The following CD1B variants were observed in gnomAD, a reference collection of about 807,000 sequenced individuals.
CD1B encodes T-cell surface glycoprotein CD1b.
Under a neutral mutation model 39.8 loss-of-function variants are expected in CD1B, and 43 were observed. The ratio of observed to expected loss-of-function variants is 1.08; its 90% CI spans 0.85 to 1.39. The LOEUF (loss-of-function observed/expected upper bound fraction) is 1.39. CD1B is among the 40% of genes most tolerant of loss of function. The probability of loss-of-function intolerance (pLI) is 0.00; values close to 1 mark genes in which losing one functional copy is unlikely to be tolerated. For missense variants in CD1B, 495 were observed against 403.8 expected, an observed-to-expected ratio of 1.23 and a Z score of -1.94; for synonymous variants, 192 against 152.5, an observed-to-expected ratio of 1.26 and a Z score of -1.91.
chr1:158,322,024 G>C, the CD1B span, among the ~76,000 whole-genome samples: 38 of 152,172 alleles, frequency 2.5e-4, no homozygotes, highest in Non-Finnish European at 4.7e-4. Flanking sequence ...AGAAAAGAAA[G>C]GAAACAAAAA....
the CD1B span, among the ~76,000 whole-genome samples, chr1:158,319,998 T>C: frequency 1.3e-5 from 2 of 152,218 alleles, no homozygotes; most frequent in African/African-American, 4.8e-5. Flanking sequence ...AGGGACCCGC[T>C]TGAGGAGGCA....
At chr1:158,317,359 A>G in the CD1B span, among the ~76,000 whole-genome samples, 7 of 152,192 alleles carry the variant, frequency 4.6e-5, no homozygotes, top group Non-Finnish European at 8.8e-5. Flanking sequence ...TGGTCTATTC[A>G]GAGATTCAAC....
At chr1:158,297,779 A>G in the CD1B span, among the ~76,000 whole-genome samples, 1 of 152,004 alleles carries the variant, frequency 6.6e-6, no homozygotes, top group Admixed American at 6.6e-5. Flanking sequence ...CAAAAAAACC[A>G]AGAAAATTAG....
the CD1B span, chr1:158,291,287 C>G: frequency 6.2e-7 from 1 of 1,614,060 alleles, no homozygotes; most frequent in Non-Finnish European, 8.5e-7. Flanking sequence ...CATAACTGGT[C>G]CAAGGGCAAC....
At chr1:158,293,145 T>C in the CD1B span, 1 of 1,246,188 alleles carries the variant, frequency 8.0e-7, no homozygotes, top group Non-Finnish European at 1.2e-6. Context: ...AGTAAGGAAA[T>C]CAATAGATGG....
chr1:158,319,964 T>G, the CD1B span, among the ~76,000 whole-genome samples: 12 of 152,192 alleles, frequency 7.9e-5, no homozygotes, highest in Non-Finnish European at 1.5e-4. Flanking sequence ...GCCTCCCAGT[T>G]AGGCTGCTCG....
chr1:158,324,478 A>C (rs1652281088), downstream of CD1B, among the ~76,000 whole-genome samples: 1 of 152,210 alleles, frequency 6.6e-6, no homozygotes, highest in African/African-American at 2.4e-5. Flanking sequence ...ACTATAACAT[A>C]TATAGTGGGA....
chr1:158,307,342 G>C, the CD1B span, among the ~76,000 whole-genome samples: 1,755 of 152,082 alleles, frequency 0.012, 32 homozygotes, highest in African/African-American at 0.04. Flanking sequence ...AGAAGAAATG[G>C]ATAAATTCCT....
intron 4 of CD1B, 141 bp downstream of exon 4, chr1:158,329,229 C>A: frequency 8.8e-7 from 1 of 1,140,906 alleles, no homozygotes. Context: ...ATTTTTACTC[C>A]TGTTGGGATT....
chr1:158,302,991 A>G, the CD1B span, among the ~76,000 whole-genome samples: 358 of 152,198 alleles, frequency 2.4e-3, 3 homozygotes, highest in African/African-American at 7.9e-3. Context: ...AAAAGAAAAC[A>G]TTAGCTAATT....
chr1:158,290,840 A>G, the CD1B span, among the ~76,000 whole-genome samples: 3 of 152,178 alleles, frequency 2.0e-5, no homozygotes, highest in African/African-American at 7.2e-5. Context: ...TAGTATGAAC[A>G]TCTCTGTCAG....
the CD1B span, among the ~76,000 whole-genome samples, chr1:158,308,444 T>G: frequency 2.0e-5 from 3 of 152,126 alleles, no homozygotes; most frequent in Non-Finnish European, 4.4e-5. Context: ...CTCCATCAAG[T>G]TACCAATGAC....
At position 158,331,036 on chromosome 1, in the gene CD1B, C is replaced by T. The variant is rs1652582669; in HGVS notation, c.88G>A (p.Val30Ile). 6.2e-7 allele frequency: 1 copy of T among 1,612,786 alleles called. No homozygotes were observed. Among genetic ancestry groups the T allele is most frequent in the Non-Finnish European group, 8.5e-7 (1 of 1,179,576 alleles). The change falls in exon 2 of 6, where the codon GTT becomes ATT. Residue 30 changes from valine to isoleucine, a missense_variant. Physicochemically the swap from Val to Ile is conservative, Grantham distance 29. Coordinates refer to ENST00000368168, the MANE Select transcript of CD1B (RefSeq NM_001764.3). ...TTGGTAAAGGACGAGGTCTGGATAACATGAAAGGAGGTCGGCCCCTGGAAG... is the reference window on the plus strand; with the variant it reads ...TTGGTAAAGGACGAGGTCTGGATAATATGAAAGGAGGTCGGCCCCTGGAAG... ...HAFQGPTSFH[V>I]IQTSSFTNST...
chr1:158,303,067 C>A, the CD1B span, among the ~76,000 whole-genome samples: 1 of 152,106 alleles, frequency 6.6e-6, no homozygotes, highest in Non-Finnish European at 1.5e-5. Context: ...AGGATCATAT[C>A]AAAAAGCTAA....
the CD1B span, among the ~76,000 whole-genome samples, chr1:158,309,657 A>T: frequency 6.6e-6 from 1 of 152,156 alleles, no homozygotes; most frequent in Non-Finnish European, 1.5e-5. Flanking sequence ...AGCCATAAAA[A>T]ATGATGAGTT....
chr1:158,328,801 A>G (rs765339403), intron 5 of CD1B, 120 bp downstream of exon 5: 49 of 690,888 alleles, frequency 7.1e-5, no homozygotes, highest in Non-Finnish European at 1.1e-4. Context: ...AGTTTGGGGA[A>G]AGGATATGGT....
In CD1B at chr1:158,328,214, G is replaced by C. The variant is rs372825652; in HGVS notation, c.*22C>G. The C allele has an allele frequency of 2.6e-4, 416 of 1,602,044 alleles. 2 individuals carry two copies. The African/African-American group carries it at 4.9e-3, about 19-fold the overall frequency. ...GGCTTCTTGGTACTTATTGCGAATG[G>C]GAGAGGAGACATGATGATGGCTCAT... On this transcript the variant is annotated 3_prime_UTR_variant, in exon 6 of 6. Transcript: ENST00000368168.
At position 158,328,015 on chromosome 1, in the gene CD1B, A is replaced by G. The variant is rs1343239027; in HGVS notation, c.*221T>C. On this transcript the variant is annotated 3_prime_UTR_variant, in exon 6 of 6. Transcript: ENST00000368168. Reference sequence around the variant, plus strand: ...TTTTTTCTAACATTTTAATGTGTGTAAAATCAGGGTGAATCACACTGTTAG... The same window carrying G: ...TTTTTTCTAACATTTTAATGTGTGTGAAATCAGGGTGAATCACACTGTTAG... 4 of 447,048 alleles carry G rather than the reference A, an allele frequency of 8.9e-6. No individual in the cohort carries two copies. The highest frequency in any genetic ancestry group is 1.6e-5 in the Non-Finnish European group (4 of 252,100). 27.7% of individuals were successfully genotyped at this position (447,048 alleles called of 1,614,324 possible).
chr1:158,305,340 T>C, the CD1B span, among the ~76,000 whole-genome samples: 1 of 152,042 alleles, frequency 6.6e-6, no homozygotes, highest in Non-Finnish European at 1.5e-5. Flanking sequence ...GTATCAGTGA[T>C]GGAAGATCAA....
Sources: allele counts gnomAD v4.1 joint callset (sites outside exome capture counted in the v4.1 genomes callset), GRCh38; gene constraint gnomAD v4.1.1; transcripts MANE v1.5; gene names NCBI Gene and HGNC (gene_info 2026-07-23, HGNC 2026-07-21).